Variants in CADM2 observed in about 807,000 individuals in gnomAD.
The protein encoded by CADM2 is cell adhesion molecule 2.
A neutral mutation model predicts 49.8 loss-of-function variants in CADM2; 12 were observed. The observed-to-expected ratio is 0.24, with a 90% CI of 0.15 to 0.39. The LOEUF (loss-of-function observed/expected upper bound fraction) is 0.39. Among genes scored for constraint, CADM2 ranks in the 10% least tolerant of loss-of-function variants. The pLI, the probability that CADM2 is intolerant of heterozygous loss-of-function variation, is 1.00. For missense variants in CADM2, 378 were observed against 492.3 expected (o/e 0.77, Z 2.20); for synonymous variants, 214 against 175.4 (o/e 1.22, Z -1.74).
intron 8 of CADM2, among the ~76,000 whole-genome samples, chr3:85,970,969 A>G (rs947245898): frequency 3.3e-5 from 5 of 151,650 alleles, no homozygotes; most frequent in African/African-American, 1.2e-4. Flanking sequence ...TGGAAAAAAA[A>G]AGTCATGCAA....
chr3:85,608,381 G>C (rs2063592060), intron 1 of CADM2, among the ~76,000 whole-genome samples: 1 of 151,938 alleles, frequency 6.6e-6, no homozygotes, highest in Non-Finnish European at 1.5e-5. Context: ...ATTTTTTTTA[G>C]CTTAGAGATG....
intron 1 of CADM2, among the ~76,000 whole-genome samples, chr3:85,253,059 C>G (rs2042810289): frequency 6.6e-6 from 1 of 151,918 alleles, no homozygotes; most frequent in South Asian, 2.1e-4. Flanking sequence ...AGCAAAAAAC[C>G]AAAAGAAACC....
intron 8 of CADM2, among the ~76,000 whole-genome samples, chr3:86,050,806 G>T (rs1046251046): frequency 6.6e-6 from 1 of 152,156 alleles, no homozygotes; most frequent in African/African-American, 2.4e-5. Flanking sequence ...TCCCAAGGTT[G>T]CACAGAGTAG....
At chr3:85,421,844 C>T (rs1239298083) in intron 1 of CADM2, among the ~76,000 whole-genome samples, 1 of 152,198 alleles carries the variant, frequency 6.6e-6, no homozygotes, top group African/African-American at 2.4e-5. Flanking sequence ...TCTGTTTAAT[C>T]AGTATGGTGG....
chr3:84,964,423 T>A (rs1279915421), intron 1 of CADM2, among the ~76,000 whole-genome samples: 2 of 152,198 alleles, frequency 1.3e-5, no homozygotes, highest in Non-Finnish European at 2.9e-5. Flanking sequence ...ACATTAATAA[T>A]CAAATATAGA....
chr3:85,727,406 G>A (rs1268173795), intron 2 of CADM2, among the ~76,000 whole-genome samples: 1 of 152,000 alleles, frequency 6.6e-6, no homozygotes, highest in African/African-American at 2.4e-5. Flanking sequence ...TCATAGCAAT[G>A]TATTTGCTTA....
At chr3:85,651,101 G>A (rs575447031) in intron 1 of CADM2, among the ~76,000 whole-genome samples, 58 of 151,670 alleles carry the variant, frequency 3.8e-4, no homozygotes, top group African/African-American at 1.3e-3. Context: ...ATTTCCTCAG[G>A]GCTACAACAT....
intron 1 of CADM2, among the ~76,000 whole-genome samples, chr3:85,446,432 T>C (rs1364661286): frequency 2.6e-5 from 4 of 152,160 alleles, no homozygotes; most frequent in Admixed American, 6.5e-5. Context: ...TCCTCTGACT[T>C]CAGAAAATCT....
At chr3:86,040,158 C>G (rs989885028) in intron 8 of CADM2, among the ~76,000 whole-genome samples, 2 of 152,220 alleles carry the variant, frequency 1.3e-5, no homozygotes, top group African/African-American at 4.8e-5. Context: ...AAACTGGAAA[C>G]TCTAAAAATC....
intron 1 of CADM2, among the ~76,000 whole-genome samples, chr3:85,028,254 A>G (rs2034820519): frequency 6.6e-6 from 1 of 152,176 alleles, no homozygotes; most frequent in African/African-American, 2.4e-5. Flanking sequence ...TTTAAATTCG[A>G]TGTGATAGAA....
At chr3:85,344,297 C>CT (rs1479300169) in intron 1 of CADM2, among the ~76,000 whole-genome samples, 1 of 151,670 alleles carries the variant, frequency 6.6e-6, no homozygotes, top group Non-Finnish European at 1.5e-5. Context: ...AGGAGAATTG[C>CT]TTGAACTCGG....
At chr3:86,012,514 G>T in intron 8 of CADM2, 2 of 1,277,746 alleles carry the variant, frequency 1.6e-6, no homozygotes, top group African/African-American at 1.5e-5. Context: ...GGACTGCCCT[G>T]AGGAGGCCGG....
At chr3:85,216,126 T>C (rs983563750) in intron 1 of CADM2, among the ~76,000 whole-genome samples, 2 of 151,900 alleles carry the variant, frequency 1.3e-5, no homozygotes, top group African/African-American at 4.8e-5. Flanking sequence ...TGGGGGACAA[T>C]CACTGGAGGT....
chr3:85,020,679 A>G (rs9832293), intron 1 of CADM2, among the ~76,000 whole-genome samples: 36 of 152,254 alleles, frequency 2.4e-4, no homozygotes, highest in African/African-American at 7.9e-4. Flanking sequence ...TGTATAACAC[A>G]TATCACCTTA....
chr3:85,343,264 C>A (rs1230021213), intron 1 of CADM2, among the ~76,000 whole-genome samples: 2 of 152,088 alleles, frequency 1.3e-5, no homozygotes, highest in Admixed American at 1.3e-4. Context: ...CTCACAACAA[C>A]CCTTAGGATA....
At chr3:85,222,169 T>A (rs755474546) in intron 1 of CADM2, among the ~76,000 whole-genome samples, 53 of 152,152 alleles carry the variant, frequency 3.5e-4, no homozygotes, top group Admixed American at 2.5e-3. Context: ...GCTTTGTTAC[T>A]GTGACCAGCG....
intron 1 of CADM2, among the ~76,000 whole-genome samples, chr3:85,006,437 A>T (rs2033731782): frequency 6.6e-6 from 1 of 151,422 alleles, no homozygotes; most frequent in Non-Finnish European, 1.5e-5. Context: ...ATAAATAAAT[A>T]AAAGGTTAGA....
Position 85,760,361 on chromosome 3 carries a change from A to G in CADM2, c.88+33813A>G, listed in dbSNP as rs145224826. Among the ~76,000 whole-genome samples the G allele has an allele frequency of 2.6e-3, 403 of 152,138 alleles. 1 individual carries two copies. The highest frequency in any genetic ancestry group is 8.6e-3 in the African/African-American group (359 of 41,536). On this transcript the variant is annotated intron_variant, in intron 2 of 9. Transcript: ENST00000383699. ...CTTCTTTTTTTTTTTCGTTTAAGAA[A>G]ATCATTTTATCTGAGCAGTTGCTTT...
intron 1 of CADM2, among the ~76,000 whole-genome samples, chr3:85,154,742 T>C (rs4426691): frequency 0.57 from 76,892 of 134,000 alleles, 21,460 homozygotes; most frequent in Admixed American, 0.66. Context: ...GCGGATCTCT[T>C]GGCAGAAACC....
Sources: gnomAD v4.1 joint callset for allele counts (sites outside exome capture counted in the v4.1 genomes callset) on GRCh38, gnomAD v4.1.1 for gene constraint, MANE v1.5 for transcripts, NCBI Gene and HGNC (gene_info 2026-07-23, HGNC 2026-07-21) for gene names.